GRIK4: variants seen among roughly 807,000 people sequenced by gnomAD.
GRIK4 encodes glutamate ionotropic receptor kainate type subunit 4, also known as glutamate receptor ionotropic, kainate 4.
GRIK4 carries 40 observed loss-of-function variants against 104.9 expected under a neutral mutation model. The ratio of observed to expected loss-of-function variants is 0.38; its 90% CI spans 0.30 to 0.50. The LOEUF is 0.50. GRIK4 is among the 20% of genes least tolerant of loss of function. The probability of loss-of-function intolerance (pLI) is 0.93; values close to 1 mark genes in which losing one functional copy is unlikely to be tolerated. For synonymous variants in GRIK4, 485 were observed against 524.9 expected (o/e 0.92, Z 1.04); for missense variants, 1,047 against 1,308.1 (o/e 0.80, Z 3.08).
intron 8 of GRIK4, among the ~76,000 whole-genome samples, chr11:120,848,176 C>A (rs191631013): frequency 6.6e-6 from 1 of 152,150 alleles, no homozygotes; most frequent in South Asian, 2.1e-4. Context: ...GTTGAGGGGG[C>A]AGGGGATGTA....
At chr11:120,662,640 TG>T (rs1163463030) in intron 3 of GRIK4, among the ~76,000 whole-genome samples, 1 of 151,978 alleles carries the variant, frequency 6.6e-6, no homozygotes, top group African/African-American at 2.4e-5. Flanking sequence ...TTAACTGTGC[TG>T]GGGTCTCTGG....
intron 19 of GRIK4, among the ~76,000 whole-genome samples, chr11:120,976,240 T>G (rs1259666414): frequency 6.6e-6 from 1 of 152,194 alleles, no homozygotes; most frequent in East Asian, 1.9e-4. Context: ...CAACCTCCCA[T>G]AGCTCGTGTT....
intron 3 of GRIK4, among the ~76,000 whole-genome samples, chr11:120,761,685 C>A (rs1490497317): frequency 2.0e-5 from 3 of 152,020 alleles, no homozygotes; most frequent in African/African-American, 4.8e-5. Context: ...AGTTTTCTCA[C>A]CACCATTTGT....
chr11:120,787,852 C>G (rs866374806), intron 3 of GRIK4, among the ~76,000 whole-genome samples: 1 of 77,122 alleles, frequency 1.3e-5, no homozygotes, highest in Non-Finnish European at 2.3e-5. Context: ...CTTTTCTTTT[C>G]TTTTTTTTTT....
chr11:120,836,050 C>G (rs12226536), intron 7 of GRIK4, among the ~76,000 whole-genome samples: 49,922 of 152,064 alleles, frequency 0.33, 9,073 homozygotes, highest in East Asian at 0.5. Flanking sequence ...ACCCTTATGA[C>G]TCTGCCCTGC....
chr11:120,935,653 T>G (rs1943580066), intron 13 of GRIK4, among the ~76,000 whole-genome samples: 1 of 152,058 alleles, frequency 6.6e-6, no homozygotes, highest in Non-Finnish European at 1.5e-5. Flanking sequence ...AATTACAGAG[T>G]GGTACTCAGT....
chr11:120,887,434 A>G, intron 11 of GRIK4, among the ~76,000 whole-genome samples: 1 of 152,220 alleles, frequency 6.6e-6, no homozygotes, highest in Non-Finnish European at 1.5e-5. Flanking sequence ...GCAAATTTAC[A>G]TCACTTTATA....
rs1164995815 is a variant in GRIK4 at position 120,987,826 on chromosome 11, C to G, written c.*1566C>G. Reference sequence around the variant, plus strand: ...TTGGCTTCACTAATTGGGAGTTTCACGCAGAGTTCTCATTGGCTGATGGAA... The same window carrying G: ...TTGGCTTCACTAATTGGGAGTTTCAGGCAGAGTTCTCATTGGCTGATGGAA... On this transcript the variant is annotated 3_prime_UTR_variant, in exon 21 of 21. Coordinates refer to ENST00000527524, the MANE Select transcript of GRIK4 (RefSeq NM_014619.5). 1 of 152,160 alleles carries G rather than the reference C, an allele frequency of 6.6e-6. No individual in the cohort carries two copies. Among genetic ancestry groups the G allele is most frequent in the African/African-American group, 2.4e-5 (1 of 41,392 alleles). The allele number at this position is 152,160 out of a possible 1,614,324, so 9.4% of individuals were successfully genotyped here.
At chr11:120,590,526 A>G (rs1398249574) in intron 1 of GRIK4, among the ~76,000 whole-genome samples, 1 of 152,128 alleles carries the variant, frequency 6.6e-6, no homozygotes, top group Non-Finnish European at 1.5e-5. Flanking sequence ...CATTGTGATT[A>G]TTGCTGTATT....
intron 3 of GRIK4, among the ~76,000 whole-genome samples, chr11:120,732,593 T>C (rs1353255081): frequency 6.6e-6 from 1 of 152,254 alleles, no homozygotes; most frequent in African/African-American, 2.4e-5. Context: ...TTTAAATAAA[T>C]TTTTTCATCA....
chr11:120,653,021 G>A lies in GRIK4; in HGVS notation c.-158-664G>A, dbSNP rs538041014. On this transcript the variant is annotated intron_variant, in intron 1 of 20. Transcript: ENST00000527524. ...CAGTATGGACATAATAGCAGGTGTG[G>A]CAGGTGATACATGCCCCAAAGAGAT... 2.5e-3 allele frequency among the ~76,000 whole-genome samples: 306 copies of A among 123,900 alleles called. 1 individual carries two copies. The South Asian group carries it at 0.032, about 13-fold the overall frequency. The allele number at this position is 123,900 out of a possible 152,430, so 81.3% of individuals were successfully genotyped here.
At chr11:120,712,615 C>T (rs1473908248) in intron 3 of GRIK4, among the ~76,000 whole-genome samples, 1 of 147,192 alleles carries the variant, frequency 6.8e-6, no homozygotes, top group Non-Finnish European at 1.5e-5. Context: ...TAGTAAGACC[C>T]TGTCTCTTAA....
chr11:120,983,332 T>G (rs879379970), intron 20 of GRIK4, among the ~76,000 whole-genome samples: 1 of 152,166 alleles, frequency 6.6e-6, no homozygotes, highest in Non-Finnish European at 1.5e-5. Context: ...TGAGAGAATC[T>G]CAGTCTCCAT....
chr11:120,750,656 G>T (rs1407418386), intron 3 of GRIK4, among the ~76,000 whole-genome samples: 1 of 152,110 alleles, frequency 6.6e-6, no homozygotes, highest in Non-Finnish European at 1.5e-5. Context: ...GGCGTGAGCT[G>T]CCACCCCCGG....
At position 120,960,998 on chromosome 11, in the gene GRIK4, C is replaced by T; in HGVS notation, c.1964C>T (p.Ser655Leu). 14 of 1,614,080 alleles carry T rather than the reference C, an allele frequency of 8.7e-6. No individual in the cohort carries two copies. The highest frequency in any genetic ancestry group is 1.1e-5 in the Non-Finnish European group (13 of 1,179,914). Residue 655 changes from serine (S) to leucine (L), a missense_variant, in exon 17 of 21, where the codon TCA (serine) becomes TTA (leucine). By Grantham distance (145) the Ser-to-Leu change is moderately radical (BLOSUM62 -2). Coordinates refer to ENST00000527524, the MANE Select transcript of GRIK4 (RefSeq NM_014619.5). Reference sequence around the variant, plus strand: ...CAGCGCATGGATGTGCCCATTGAGTCAGTGGATGACCTGGCTGACCAGACC... The same window carrying T: ...CAGCGCATGGATGTGCCCATTGAGTTAGTGGATGACCTGGCTGACCAGACC... Reference protein sequence around the residue: ...TVQRMDVPIESVDDLADQTAI... With the variant: ...TVQRMDVPIELVDDLADQTAI...
chr11:120,965,786 C>G (rs1944373863), intron 18 of GRIK4, among the ~76,000 whole-genome samples: 1 of 152,234 alleles, frequency 6.6e-6, no homozygotes, highest in Admixed American at 6.5e-5. Flanking sequence ...GGCCCCACCC[C>G]AGGCCTACTG....
rs144762337 is a variant in GRIK4 at position 120,922,994 on chromosome 11, C to T, written c.1477-17353C>T. On this transcript the variant is annotated intron_variant, in intron 13 of 20. Coordinates refer to ENST00000527524, the MANE Select transcript of GRIK4 (RefSeq NM_014619.5). ...AAAGGCATTGTTGACTCTTGCCAGA[C>T]AGATCCCTATCCAGATCCAGGAGAC... Among the ~76,000 whole-genome samples, 662 of 152,338 alleles carry T rather than the reference C, an allele frequency of 4.3e-3. 5 individuals are homozygous for T. The highest frequency in any genetic ancestry group is 0.015 in the African/African-American group (622 of 41,574).
At chr11:120,523,871 C>T (rs1947826073) in intron 1 of GRIK4, among the ~76,000 whole-genome samples, 1 of 151,132 alleles carries the variant, frequency 6.6e-6, no homozygotes, top group African/African-American at 2.4e-5. Flanking sequence ...AGATCATCAT[C>T]TGTCTCCCCA....
At chr11:120,823,803 C>T (rs1225868673) in intron 6 of GRIK4, among the ~76,000 whole-genome samples, 1 of 152,186 alleles carries the variant, frequency 6.6e-6, no homozygotes, top group Admixed American at 6.5e-5. Flanking sequence ...GGGGACGGCC[C>T]ACATCCCAGC....
Sources: gnomAD v4.1 joint callset for allele counts (sites outside exome capture counted in the v4.1 genomes callset) on GRCh38, gnomAD v4.1.1 for gene constraint, MANE v1.5 for transcripts, NCBI Gene and HGNC (gene_info 2026-07-23, HGNC 2026-07-21) for gene names.